Variants in TMEM41B observed in about 807,000 individuals in gnomAD.
TMEM41B encodes the protein protein stasimon.
In TMEM41B, 18 loss-of-function variants were observed where a neutral mutation model predicts 31.9. The ratio of observed to expected loss-of-function variants is 0.56; its 90% CI spans 0.39 to 0.84. TMEM41B has a LOEUF of 0.84. Ranked by LOEUF, TMEM41B falls within the 40% of genes least tolerant of loss-of-function variation. TMEM41B has a pLI of 0.00. For missense variants in TMEM41B, 322 were observed against 348.0 expected (o/e 0.93, Z 0.59); for synonymous variants, 144 against 124.3 (o/e 1.16, Z -1.05).
chr11:9,295,063 C>A, intron 3 of TMEM41B, 196 bp downstream of exon 3: 3 of 804,386 alleles, frequency 3.7e-6, no homozygotes, highest in Non-Finnish European at 4.9e-6. Context: ...AATAAATATT[C>A]AGACATAAAA....
In TMEM41B at chr11:9,283,380, C is replaced by G. The variant is rs774871685; in HGVS notation, c.*44G>C. On this transcript the variant is annotated 3_prime_UTR_variant, in exon 7 of 7. Transcript: ENST00000528080. ...ACATAAATGGATGCACCTGTTAATC[C>G]TGAGATGGTGATGACAGCAAAACTA... The G allele has an allele frequency of 6.7e-7, 1 of 1,489,076 alleles. No homozygotes were observed. Among genetic ancestry groups the G allele is most frequent in the Non-Finnish European group, 9.2e-7 (1 of 1,090,374 alleles). The allele number at this position is 1,489,076 out of a possible 1,614,324, so 92.2% of individuals were successfully genotyped here.
intron 1 of TMEM41B, among the ~76,000 whole-genome samples, chr11:9,310,638 C>G (rs574597438): frequency 6.8e-6 from 1 of 147,242 alleles, no homozygotes; most frequent in Non-Finnish European, 1.5e-5. Context: ...ACCTTCAAAC[C>G]GATTAGGTTA....
At position 9,291,958 on chromosome 11, in the gene TMEM41B, G is replaced by A. The variant is rs368647448; in HGVS notation, c.368+3301C>T. Among the ~76,000 whole-genome samples the A allele has an allele frequency of 3.0e-4, 46 of 152,136 alleles. No individual in the cohort carries two copies. In the East Asian group the frequency reaches 4.5e-3, roughly 15 times the overall value. On this transcript the variant is annotated intron_variant, in intron 3 of 6. Transcript: ENST00000528080. ...CCAGACCTCGTGATCCACCTGCCTC[G>A]GCCTCCCAAAGTACTGGAATTATAG... is the stretch of plus-strand genomic sequence containing the variant.
chr11:9,290,469 C>G lies in TMEM41B; in HGVS notation c.369-1934G>C, dbSNP rs1421502482. ...AATGTAAATGACAAGTTGATGGGTA[C>G]AGCAAACCAACGTGGCACACATATA... On this transcript the variant is annotated intron_variant, in intron 3 of 6. Coordinates refer to ENST00000528080, the MANE Select transcript of TMEM41B (RefSeq NM_015012.4). Among the ~76,000 whole-genome samples, 6 of 151,928 alleles carry G rather than the reference C, an allele frequency of 3.9e-5. No homozygotes were observed. In the East Asian group the frequency reaches 9.6e-4, roughly 24 times the overall value.
rs116199460 is a variant in TMEM41B, at chr11:9,292,467, G to A, written c.368+2792C>T. On this transcript the variant is annotated intron_variant, in intron 3 of 6. Transcript: ENST00000528080. Reference sequence around the variant, plus strand: ...TGCATTAGTATTAATAATCTAAAACGTTTCCACATATTTAAATATTTTACA... The same window carrying A: ...TGCATTAGTATTAATAATCTAAAACATTTCCACATATTTAAATATTTTACA... Among the ~76,000 whole-genome samples the A allele has an allele frequency of 5.7e-3, 863 of 151,992 alleles. 9 individuals carry two copies. Among genetic ancestry groups the A allele is most frequent in the African/African-American group, 0.02 (820 of 41,468 alleles).
intron 1 of TMEM41B, among the ~76,000 whole-genome samples, chr11:9,301,589 C>T (rs1853261566): frequency 6.6e-6 from 1 of 152,148 alleles, no homozygotes; most frequent in South Asian, 2.1e-4. Context: ...CTTGAATTAA[C>T]ACCCTTCCCC....
intron 5 of TMEM41B, 80 bp downstream of exon 5, chr11:9,287,622 A>T: frequency 2.3e-6 from 2 of 883,006 alleles, no homozygotes; most frequent in Non-Finnish European, 3.5e-6. Flanking sequence ...TAATACATGT[A>T]GTTAATTCAT....
intron 1 of TMEM41B, among the ~76,000 whole-genome samples, chr11:9,305,809 C>T (rs943707437): frequency 6.6e-6 from 1 of 151,846 alleles, no homozygotes; most frequent in Non-Finnish European, 1.5e-5. Flanking sequence ...TCTTTTAAAA[C>T]CTTCAAAACC....
chr11:9,291,341 C>T (rs905325102), intron 3 of TMEM41B, among the ~76,000 whole-genome samples: 3 of 151,758 alleles, frequency 2.0e-5, no homozygotes, highest in African/African-American at 7.3e-5. Context: ...GAGATCGCGT[C>T]GCTACACTCC....
At chr11:9,287,670 T>G (rs866255428) in intron 5 of TMEM41B, 32 bp downstream of exon 5, 1 of 1,484,474 alleles carries the variant, frequency 6.7e-7, no homozygotes. Context: ...TAACAAAGAG[T>G]TACATCAAAT....
chr11:9,283,550 T>C lies in TMEM41B; in HGVS notation c.750A>G (p.Thr250=). The change falls in exon 7 of 7, where the codon ACA becomes ACG. Residue 250 remains threonine, a synonymous_variant. Coordinates refer to ENST00000528080, the MANE Select transcript of TMEM41B (RefSeq NM_015012.4). ...PSFVAIKAGT[T]LYQLTTAGEA... ...CTCCTGCTGTTGTAAGTTGATACAG[T>C]GTTGTTCCTGCCTTAATGGCTACAA... 6.2e-7 allele frequency: 1 copy of C among 1,612,118 alleles called. No individual in the cohort carries two copies. The highest frequency in any genetic ancestry group is 8.5e-7 in the Non-Finnish European group (1 of 1,179,548).
At chr11:9,289,783 T>C (rs528494919) in intron 3 of TMEM41B, among the ~76,000 whole-genome samples, 1 of 152,322 alleles carries the variant, frequency 6.6e-6, no homozygotes, top group South Asian at 2.1e-4. Context: ...TCATCCTGCA[T>C]GAAACATGGC....
chr11:9,285,757 A>T (rs925739666), intron 6 of TMEM41B, among the ~76,000 whole-genome samples: 2 of 151,932 alleles, frequency 1.3e-5, no homozygotes, highest in Non-Finnish European at 2.9e-5. Flanking sequence ...TTCAAGTTCA[A>T]CATTTTAATA....
intron 1 of TMEM41B, among the ~76,000 whole-genome samples, chr11:9,306,441 G>C (rs544273870): frequency 6.6e-6 from 1 of 152,024 alleles, no homozygotes; most frequent in South Asian, 2.1e-4. Flanking sequence ...CCAGCACTTT[G>C]GGAGGTCGAG....
intron 3 of TMEM41B, among the ~76,000 whole-genome samples, chr11:9,289,912 T>C (rs1417129682): frequency 6.6e-6 from 1 of 152,178 alleles, no homozygotes; most frequent in Non-Finnish European, 1.5e-5. Flanking sequence ...CCCTTTTCTT[T>C]GATAAATTTG....
rs1220861212 is a variant in TMEM41B at position 9,286,594 on chromosome 11, CTGTCA to C, written c.568-6_568-2del. On this transcript the variant is annotated splice_acceptor_variant and splice_polypyrimidine_tract_variant and intron_variant, in intron 5 of 6. Coordinates refer to ENST00000528080, the MANE Select transcript of TMEM41B (RefSeq NM_015012.4). LOFTEE classifies it high-confidence loss of function. ...TGAGATGTTCTCTATGACGTTCAAC[CTGTCA>C]TAAGAAAGAAAAGAATTAGCATCAG... is the stretch of plus-strand genomic sequence containing the variant. 12 of 1,593,228 alleles carry C rather than the reference CTGTCA, an allele frequency of 7.5e-6. No homozygotes were observed. The highest frequency in any genetic ancestry group is 1.0e-5 in the Non-Finnish European group (12 of 1,172,450).
chr11:9,297,351 C>T (rs969216839), intron 2 of TMEM41B, among the ~76,000 whole-genome samples: 1 of 152,226 alleles, frequency 6.6e-6, no homozygotes, highest in Admixed American at 6.5e-5. Context: ...TCCCAAAGTA[C>T]TGGGGTTACA....
At chr11:9,305,009 C>A (rs867635376) in intron 1 of TMEM41B, among the ~76,000 whole-genome samples, 6 of 151,872 alleles carry the variant, frequency 4.0e-5, no homozygotes, top group African/African-American at 9.7e-5. Context: ...CCAGGCTGGT[C>A]TTGAACTCCT....
At chr11:9,313,726 C>T (rs1853618103) in intron 1 of TMEM41B, among the ~76,000 whole-genome samples, 1 of 152,100 alleles carries the variant, frequency 6.6e-6, no homozygotes, top group South Asian at 2.1e-4. Flanking sequence ...AAATCTTTTA[C>T]GTGAATTATT....
Sources: gnomAD v4.1 joint callset for allele counts (sites outside exome capture counted in the v4.1 genomes callset) on GRCh38, gnomAD v4.1.1 for gene constraint, MANE v1.5 for transcripts, NCBI Gene and HGNC (gene_info 2026-07-23, HGNC 2026-07-21) for gene names.